The following FAM81B variants were observed in gnomAD, a reference collection of about 807,000 sequenced individuals.
FAM81B encodes the protein family with sequence similarity 81 member B.
A neutral mutation model predicts 58.7 loss-of-function variants in FAM81B; 60 were observed. The ratio of observed to expected loss-of-function variants is 1.02; its 90% CI spans 0.83 to 1.27. FAM81B has a LOEUF of 1.27. FAM81B is among the 50% of genes most tolerant of loss of function. The probability of loss-of-function intolerance (pLI) is 0.00; values close to 1 mark genes in which losing one functional copy is unlikely to be tolerated. For synonymous variants in FAM81B, 189 were observed against 179.6 expected (o/e 1.05, Z -0.42); for missense variants, 491 against 522.0 (o/e 0.94, Z 0.58).
At chr5:95,391,594 TAATG>T in intron 1 of FAM81B, 81 bp downstream of exon 1, 1 of 1,445,534 alleles carries the variant, frequency 6.9e-7, no homozygotes, top group Non-Finnish European at 9.3e-7. Flanking sequence ...ATAAACAAAA[TAATG>T]AATCCCAATG....
chr5:95,402,139 G>A lies in FAM81B; in HGVS notation c.293+5964G>A, dbSNP rs1234343574. Among the ~76,000 whole-genome samples the A allele has an allele frequency of 2.6e-5, 4 of 152,164 alleles. No individual in the cohort carries two copies. In the East Asian group the frequency reaches 7.7e-4, roughly 29 times the overall value. On this transcript the variant is annotated intron_variant, in intron 3 of 9. Transcript: ENST00000283357. The stretch of plus-strand genomic sequence containing the variant: ...TTCTTAAATTTACATCTTACTACTA[G>A]GGAAAGCCCTCAGTTTTTATCCCTT...
chr5:95,443,114 T>G (rs6556872), intron 7 of FAM81B, among the ~76,000 whole-genome samples: 1 of 151,880 alleles, frequency 6.6e-6, no homozygotes, highest in East Asian at 1.9e-4. Context: ...GACATAAGTG[T>G]AGTGGCAAAA....
At chr5:95,436,972 T>C (rs1304354150) in intron 7 of FAM81B, 66 bp downstream of exon 7, 1 of 1,271,048 alleles carries the variant, frequency 7.9e-7, no homozygotes, top group Non-Finnish European at 1.1e-6. Context: ...AATGAAAGCA[T>C]TGGCATGAAA....
intron 1 of FAM81B, among the ~76,000 whole-genome samples, chr5:95,391,788 C>G (rs938600311): frequency 6.6e-6 from 1 of 152,086 alleles, no homozygotes; most frequent in African/African-American, 2.4e-5. Flanking sequence ...AAATGCAAAT[C>G]AAAACTACAA....
intron 3 of FAM81B, among the ~76,000 whole-genome samples, chr5:95,402,040 A>C (rs1228088844): frequency 6.6e-6 from 1 of 152,182 alleles, no homozygotes; most frequent in Non-Finnish European, 1.5e-5. Flanking sequence ...ATATCCAGTT[A>C]TTTCTTTCCT....
At position 95,444,091 on chromosome 5, in the gene FAM81B, A is replaced by T. The variant is rs192711588; in HGVS notation, c.894-2471A>T. 9.8e-5 allele frequency among the ~76,000 whole-genome samples: 15 copies of T among 152,340 alleles called. No homozygotes were observed. In the East Asian group the frequency reaches 2.9e-3, roughly 29 times the overall value. ...TACTTCCACCAGAGACAGGGAAAGG[A>T]AGATGAAAACCAAAGCAGATTAGAT... On this transcript the variant is annotated intron_variant, in intron 7 of 9. Coordinates refer to ENST00000283357, the MANE Select transcript of FAM81B (RefSeq NM_152548.3).
intron 3 of FAM81B, among the ~76,000 whole-genome samples, chr5:95,403,466 T>C (rs1406826180): frequency 3.3e-5 from 5 of 152,318 alleles, no homozygotes; most frequent in Non-Finnish European, 7.3e-5. Flanking sequence ...TTTTTATTGG[T>C]AAGTGACTAG....
chr5:95,436,964 TGAAA>T, intron 7 of FAM81B, 58 bp downstream of exon 7: 1 of 1,328,828 alleles, frequency 7.5e-7, no homozygotes, highest in Non-Finnish European at 1.1e-6. Flanking sequence ...TTTTGCCTAA[TGAAA>T]GCATTGGCAT....
intron 5 of FAM81B, among the ~76,000 whole-genome samples, chr5:95,427,020 G>A (rs960084531): frequency 2.6e-5 from 4 of 152,014 alleles, no homozygotes; most frequent in Admixed American, 2.0e-4. Context: ...CTGCACTCCA[G>A]CCTGGGCGAT....
In FAM81B at chr5:95,450,368, T is replaced by C; in HGVS notation, c.*86T>C. On this transcript the variant is annotated 3_prime_UTR_variant, in exon 10 of 10. Transcript: ENST00000283357. ...AAGAAGAAAGTTACTATCTCTGGGA[T>C]GTTTACTGCTTCTAATGTCTCCTTT... The C allele has an allele frequency of 2.2e-5, 34 of 1,575,688 alleles. No individual in the cohort carries two copies. Among genetic ancestry groups the C allele is most frequent in the Non-Finnish European group, 2.7e-5 (32 of 1,167,104 alleles).
intron 7 of FAM81B, among the ~76,000 whole-genome samples, chr5:95,443,619 C>T (rs769389237): frequency 1.9e-4 from 28 of 150,368 alleles, no homozygotes; most frequent in Non-Finnish European, 2.8e-4. Flanking sequence ...CCATTATGTC[C>T]GGGAAAAGCT....
intron 3 of FAM81B, among the ~76,000 whole-genome samples, chr5:95,413,390 T>C (rs763301079): frequency 6.6e-6 from 1 of 152,184 alleles, no homozygotes; most frequent in Non-Finnish European, 1.5e-5. Flanking sequence ...GGGATTATGA[T>C]TGGTACCATT....
At chr5:95,433,324 T>C (rs1426556005) in intron 6 of FAM81B, among the ~76,000 whole-genome samples, 1 of 152,028 alleles carries the variant, frequency 6.6e-6, no homozygotes, top group Admixed American at 6.6e-5. Context: ...GGGGGAAAAG[T>C]CCCATATAAA....
At chr5:95,424,014 G>A (rs1191931700) in intron 5 of FAM81B, 21 of 1,288,942 alleles carry the variant, frequency 1.6e-5, no homozygotes, top group Admixed American at 2.3e-5. Context: ...TATAGCCAAG[G>A]ATGCAACCGT....
At chr5:95,446,812 C>A in intron 8 of FAM81B, 115 bp downstream of exon 8, 2 of 1,115,102 alleles carry the variant, frequency 1.8e-6, no homozygotes, top group Non-Finnish European at 2.5e-6. Context: ...GCTTCAGTAA[C>A]TTTTTTTTTT....
chr5:95,430,332 G>A (rs1001814607), intron 6 of FAM81B, among the ~76,000 whole-genome samples: 1 of 150,452 alleles, frequency 6.6e-6, no homozygotes, highest in African/African-American at 2.4e-5. Flanking sequence ...ATGCAGATAT[G>A]AGCAAATGCA....
At chr5:95,398,639 T>C (rs1582781773) in intron 3 of FAM81B, among the ~76,000 whole-genome samples, 1 of 152,224 alleles carries the variant, frequency 6.6e-6, no homozygotes, top group South Asian at 2.1e-4. Context: ...GAGCAAAGAA[T>C]AACAACTCAA....
chr5:95,416,346 T>C (rs540670258), intron 4 of FAM81B, among the ~76,000 whole-genome samples: 107 of 152,334 alleles, frequency 7.0e-4, no homozygotes, highest in Non-Finnish European at 1.3e-3. Flanking sequence ...ATTTTTTTAA[T>C]CTACCACAAT....
chr5:95,426,100 A>G (rs1380164429), intron 5 of FAM81B, among the ~76,000 whole-genome samples: 5 of 123,416 alleles, frequency 4.1e-5, no homozygotes, highest in East Asian at 2.1e-4. Flanking sequence ...GTGTGTATAT[A>G]TATATATATA....
Sources: gnomAD v4.1 joint callset for allele counts (sites outside exome capture counted in the v4.1 genomes callset) on GRCh38, gnomAD v4.1.1 for gene constraint, MANE v1.5 for transcripts, NCBI Gene and HGNC (gene_info 2026-07-23, HGNC 2026-07-21) for gene names.